Variants in RBFOX1 observed in about 807,000 individuals in gnomAD.
The protein encoded by RBFOX1 is RNA binding fox-1 homolog 1.
Under a neutral mutation model 57.7 loss-of-function variants are expected in RBFOX1, and 8 were observed. The ratio of observed to expected loss-of-function variants is 0.14; its 90% CI spans 0.08 to 0.25. The LOEUF (loss-of-function observed/expected upper bound fraction) is 0.25. RBFOX1 is among the 10% of genes least tolerant of loss of function. The pLI is 1.00. For synonymous variants in RBFOX1, 326 were observed against 222.4 expected, an observed-to-expected ratio of 1.47 and a Z score of -4.15; for missense variants, 611 against 548.5, an observed-to-expected ratio of 1.11 and a Z score of -1.14.
chr16:6,305,935 A>C (rs1303666610), intron 1 of RBFOX1, among the ~76,000 whole-genome samples: 1 of 152,128 alleles, frequency 6.6e-6, no homozygotes, highest in Non-Finnish European at 1.5e-5. Flanking sequence ...GTTGAGCTTC[A>C]AGAAGGAGCT....
chr16:5,689,398 C>G (rs1456858086), intron 3 of RBFOX1, among the ~76,000 whole-genome samples: 1 of 152,118 alleles, frequency 6.6e-6, no homozygotes, highest in Non-Finnish European at 1.5e-5. Context: ...TAAATGGTAA[C>G]TATGATTGTG....
At chr16:5,563,800 C>G (rs572816952) in intron 2 of RBFOX1, among the ~76,000 whole-genome samples, 1 of 152,254 alleles carries the variant, frequency 6.6e-6, no homozygotes, top group South Asian at 2.1e-4. Flanking sequence ...TTTCATCACC[C>G]CCAAAGTAAC....
chr16:5,555,244 TTTA>T (rs888300346), intron 2 of RBFOX1, among the ~76,000 whole-genome samples: 10 of 151,974 alleles, frequency 6.6e-5, no homozygotes, highest in African/African-American at 4.8e-5. Context: ...TGCAATTACT[TTTA>T]TTATTATTAT....
At chr16:5,362,570 C>T (rs905980187) in intron 1 of RBFOX1, among the ~76,000 whole-genome samples, 6 of 152,170 alleles carry the variant, frequency 3.9e-5, no homozygotes, top group African/African-American at 1.2e-4. Flanking sequence ...CCATGTTGGT[C>T]AGGCTGGTCT....
chr16:6,865,842 C>T (rs954986605), intron 3 of RBFOX1, among the ~76,000 whole-genome samples: 1 of 152,156 alleles, frequency 6.6e-6, no homozygotes, highest in Non-Finnish European at 1.5e-5. Flanking sequence ...TAACTTCTCT[C>T]TTTTTTGCGT....
At chr16:6,526,597 G>A (rs1044504628) in intron 2 of RBFOX1, among the ~76,000 whole-genome samples, 3 of 151,994 alleles carry the variant, frequency 2.0e-5, no homozygotes, top group Non-Finnish European at 4.4e-5. Flanking sequence ...TTGGGAGGTG[G>A]AGGTGGGCAG....
intron 3 of RBFOX1, among the ~76,000 whole-genome samples, chr16:5,641,668 G>A (rs1433447117): frequency 6.6e-6 from 1 of 152,208 alleles, no homozygotes; most frequent in Admixed American, 6.5e-5. Context: ...CTTGGGCAGT[G>A]AGCTCAGCAG....
chr16:7,099,022 C>T (rs1402055385), intron 4 of RBFOX1, among the ~76,000 whole-genome samples: 1 of 152,090 alleles, frequency 6.6e-6, no homozygotes, highest in Non-Finnish European at 1.5e-5. Context: ...AGTGTCCAAA[C>T]TCTCTCTTGT....
chr16:7,595,907 T>C (rs1446944524), intron 8 of RBFOX1, among the ~76,000 whole-genome samples: 3 of 151,294 alleles, frequency 2.0e-5, no homozygotes, highest in Non-Finnish European at 2.9e-5. Context: ...TGTTTTTTTG[T>C]TGTTATTTTC....
At chr16:6,957,539 G>A (rs7200179) in intron 3 of RBFOX1, among the ~76,000 whole-genome samples, 59,213 of 151,590 alleles carry the variant, frequency 0.39, 12,072 homozygotes, top group African/African-American at 0.52. Context: ...TGTAGCAGTG[G>A]GGACGATCAG....
intron 3 of RBFOX1, among the ~76,000 whole-genome samples, chr16:6,987,478 C>G (rs1373599084): frequency 8.7e-6 from 1 of 115,016 alleles, no homozygotes; most frequent in Non-Finnish European, 1.6e-5. Context: ...CACACACACA[C>G]ACACACACAC....
chr16:7,067,248 G>C (rs550677621), intron 4 of RBFOX1, among the ~76,000 whole-genome samples: 1 of 152,130 alleles, frequency 6.6e-6, no homozygotes, highest in African/African-American at 2.4e-5. Flanking sequence ...TATTAGTTCA[G>C]AGTTGGTACT....
At chr16:7,040,273 C>A (rs76977985) in intron 3 of RBFOX1, among the ~76,000 whole-genome samples, 2 of 151,996 alleles carry the variant, frequency 1.3e-5, no homozygotes, top group African/African-American at 4.8e-5. Context: ...CCTGCCTCAG[C>A]CTCCCAAAGT....
intron 3 of RBFOX1, among the ~76,000 whole-genome samples, chr16:6,857,181 C>A (rs1018666463): frequency 6.6e-6 from 1 of 152,128 alleles, no homozygotes; most frequent in East Asian, 1.9e-4. Context: ...CTTTCAGGTT[C>A]CTGCTGATTT....
At position 5,975,369 on chromosome 16, in the gene RBFOX1, C is replaced by T. The variant is rs529823541; in HGVS notation, c.351+108034C>T. On this transcript the variant is annotated intron_variant, in intron 4 of 19. Coordinates refer to the RBFOX1 transcript ENST00000641259. ...AGAGCAATAGCTGCTTCTGATAATGCATTAATGTAATACATCACAGAGCTG... is the reference window on the plus strand; with the variant it reads ...AGAGCAATAGCTGCTTCTGATAATGTATTAATGTAATACATCACAGAGCTG... Among the ~76,000 whole-genome samples, 144 of 152,284 alleles carry T rather than the reference C, an allele frequency of 9.5e-4. 1 individual carries two copies. The highest frequency in any genetic ancestry group is 1.9e-3 in the Non-Finnish European group (128 of 68,044).
chr16:5,774,728 A>T (rs909004149), intron 3 of RBFOX1, among the ~76,000 whole-genome samples: 6 of 152,126 alleles, frequency 3.9e-5, no homozygotes, highest in African/African-American at 9.7e-5. Context: ...TCTCGCCCAG[A>T]CTAGAGTGCA....
intron 3 of RBFOX1, among the ~76,000 whole-genome samples, chr16:6,874,304 G>A (rs906742575): frequency 6.6e-6 from 1 of 151,906 alleles, no homozygotes; most frequent in African/African-American, 2.4e-5. Flanking sequence ...GAGGTCAGGA[G>A]TTTTGAGACC....
chr16:5,415,374 G>A (rs1173163173), intron 1 of RBFOX1, among the ~76,000 whole-genome samples: 1 of 152,092 alleles, frequency 6.6e-6, no homozygotes, highest in Non-Finnish European at 1.5e-5. Flanking sequence ...AAACCACCCC[G>A]ATGATGCAGT....
At chr16:7,256,795 C>G (rs9933151) in intron 4 of RBFOX1, among the ~76,000 whole-genome samples, 33 of 152,222 alleles carry the variant, frequency 2.2e-4, no homozygotes, top group African/African-American at 6.5e-4. Context: ...GAATCTTGGA[C>G]CAGTCACCAG....
Sources: allele counts gnomAD v4.1 joint callset (sites outside exome capture counted in the v4.1 genomes callset), GRCh38; gene constraint gnomAD v4.1.1; transcripts MANE v1.5; gene names NCBI Gene and HGNC (gene_info 2026-07-23, HGNC 2026-07-21).